The following SLC35F4 variants were observed in gnomAD, a reference collection of about 807,000 sequenced individuals.
SLC35F4 encodes solute carrier family 35 member F4, also known as chromosome 14 open reading frame 36.
A neutral mutation model predicts 44.2 loss-of-function variants in SLC35F4; 24 were observed. The observed-to-expected ratio is 0.54, with a 90% CI of 0.39 to 0.76. The LOEUF is 0.76. SLC35F4 is among the 30% of genes least tolerant of loss of function. The pLI is 0.00. For missense variants in SLC35F4, 562 were observed against 586.1 expected, an observed-to-expected ratio of 0.96 and a Z score of 0.42; for synonymous variants, 238 against 223.6, an observed-to-expected ratio of 1.06 and a Z score of -0.57.
intron 1 of SLC35F4, among the ~76,000 whole-genome samples, chr14:57,915,922 C>G (rs1279929281): frequency 6.6e-6 from 1 of 152,196 alleles, no homozygotes; most frequent in Non-Finnish European, 1.5e-5. Flanking sequence ...TTAGCCTCTA[C>G]CCATCCCCAA....
In SLC35F4 at chr14:57,774,411, G is replaced by T. The variant is rs553040562; in HGVS notation, c.103+91312C>A. ...AGAGCTTCTTAGAGAAGTGGTAGGG[G>T]CAGAACTCCAACTGGTGCAGAGTCC... On this transcript the variant is annotated intron_variant, in intron 1 of 7. Coordinates refer to ENST00000556826, the MANE Select transcript of SLC35F4 (RefSeq NM_001306087.2). Among the ~76,000 whole-genome samples the T allele has an allele frequency of 4.6e-5, 7 of 152,284 alleles. No homozygotes were observed. The South Asian group carries it at 1.5e-3, about 32-fold the overall frequency.
chr14:57,772,790 T>A, intron 1 of SLC35F4, among the ~76,000 whole-genome samples: 1 of 152,230 alleles, frequency 6.6e-6, no homozygotes, highest in East Asian at 1.9e-4. Flanking sequence ...ATGACTTTCA[T>A]ATTGTGAATA....
At chr14:57,896,146 G>GA (rs1171018080) in intron 1 of SLC35F4, among the ~76,000 whole-genome samples, 2 of 152,096 alleles carry the variant, frequency 1.3e-5, no homozygotes, top group Non-Finnish European at 2.9e-5. Flanking sequence ...ATGAAGTGGA[G>GA]AAAAAATTGG....
intron 4 of SLC35F4, 42 bp from the exon 5 acceptor site, chr14:57,572,061 T>G (rs1031582573): frequency 6.3e-7 from 1 of 1,586,572 alleles, no homozygotes; most frequent in Non-Finnish European, 8.6e-7. Flanking sequence ...CAATGATCCC[T>G]CTGTATCCTA....
At chr14:57,620,399 G>C (rs987019774) in intron 1 of SLC35F4, among the ~76,000 whole-genome samples, 8 of 152,172 alleles carry the variant, frequency 5.3e-5, no homozygotes, top group Non-Finnish European at 1.0e-4. Context: ...TATTCTTAAA[G>C]AGAAGAATTT....
chr14:57,977,371 G>A lies in SLC35F4; in HGVS notation n.152-414C>T, dbSNP rs1881248908. On this transcript the variant is annotated intron_variant and non_coding_transcript_variant, in intron 1 of 1. Transcript: ENST00000554648. ...GACATCCGCAGAAGCTAAGGATGGT[G>A]TATCGAGTCTGACAAGACCCAATAG... 1.3e-5 allele frequency among the ~76,000 whole-genome samples: 2 copies of A among 152,176 alleles called. 1 individual carries two copies. Among genetic ancestry groups the A allele is most frequent in the Admixed American group, 1.3e-4 (2 of 15,268 alleles).
chr14:57,798,837 C>G (rs1271203981), intron 1 of SLC35F4, among the ~76,000 whole-genome samples: 1 of 152,154 alleles, frequency 6.6e-6, no homozygotes, highest in African/African-American at 2.4e-5. Flanking sequence ...TTAGGTTTAG[C>G]AGCTTAGTTC....
At chr14:57,786,227 A>T (rs2077754405) in intron 1 of SLC35F4, among the ~76,000 whole-genome samples, 1 of 152,094 alleles carries the variant, frequency 6.6e-6, no homozygotes, top group Non-Finnish European at 1.5e-5. Context: ...GTGACTTAGG[A>T]ACCTCACTCC....
intron 1 of SLC35F4, among the ~76,000 whole-genome samples, chr14:57,657,784 C>T (rs1305884868): frequency 2.0e-5 from 3 of 152,086 alleles, no homozygotes; most frequent in Non-Finnish European, 4.4e-5. Flanking sequence ...TTTGAGGTTC[C>T]TAAGCATTCT....
At chr14:57,912,209 C>A (rs1361006632) in intron 1 of SLC35F4, among the ~76,000 whole-genome samples, 1 of 151,856 alleles carries the variant, frequency 6.6e-6, no homozygotes, top group African/African-American at 2.4e-5. Context: ...AAAGAACCAG[C>A]TTTGGGTTAA....
At chr14:57,677,609 G>T (rs1465082523) in intron 1 of SLC35F4, among the ~76,000 whole-genome samples, 1 of 151,938 alleles carries the variant, frequency 6.6e-6, no homozygotes, top group Non-Finnish European at 1.5e-5. Context: ...AGACATAGAT[G>T]AACATGAAAA....
intron 4 of SLC35F4, 168 bp downstream of exon 4, chr14:57,581,046 T>C: frequency 1.9e-6 from 1 of 538,866 alleles, no homozygotes; most frequent in Middle Eastern, 4.9e-4. Flanking sequence ...CCTTCTATGA[T>C]GTTGCAACTG....
intron 1 of SLC35F4, among the ~76,000 whole-genome samples, chr14:57,638,840 A>T (rs1594666914): frequency 6.6e-6 from 1 of 152,066 alleles, no homozygotes; most frequent in East Asian, 1.9e-4. Flanking sequence ...TACATAGTTT[A>T]GGTCAGAGGT....
chr14:57,762,299 C>G (rs1229640493), intron 1 of SLC35F4, among the ~76,000 whole-genome samples: 1 of 152,126 alleles, frequency 6.6e-6, no homozygotes, highest in Non-Finnish European at 1.5e-5. Flanking sequence ...CTATATCTAT[C>G]ATTCTGGAAC....
At chr14:57,981,017 G>T (rs1356523463) in intron 1 of SLC35F4, among the ~76,000 whole-genome samples, 2 of 152,084 alleles carry the variant, frequency 1.3e-5, no homozygotes, top group African/African-American at 4.8e-5. Flanking sequence ...AAGGCTGTAT[G>T]CATCAATGGA....
intron 1 of SLC35F4, among the ~76,000 whole-genome samples, chr14:57,922,683 C>T (rs760199272): frequency 9.2e-5 from 14 of 152,208 alleles, no homozygotes; most frequent in Non-Finnish European, 1.9e-4. Context: ...CTATATTAAG[C>T]ACCTTAATCA....
At chr14:57,657,992 C>T (rs981759697) in intron 1 of SLC35F4, among the ~76,000 whole-genome samples, 2 of 152,072 alleles carry the variant, frequency 1.3e-5, no homozygotes, top group African/African-American at 4.8e-5. Context: ...GAGAATCAAA[C>T]GAGAATGTGC....
At chr14:57,759,724 A>G (rs2077078943) in intron 1 of SLC35F4, among the ~76,000 whole-genome samples, 1 of 152,116 alleles carries the variant, frequency 6.6e-6, no homozygotes, top group Non-Finnish European at 1.5e-5. Flanking sequence ...GTGCTACCCT[A>G]ATAGGTATAA....
At chr14:57,842,679 C>G (rs1255023014) in intron 1 of SLC35F4, among the ~76,000 whole-genome samples, 1 of 152,162 alleles carries the variant, frequency 6.6e-6, no homozygotes, top group Non-Finnish European at 1.5e-5. Context: ...CAGCCGGCTA[C>G]TACCAGCTCA....
Sources: gnomAD v4.1 joint callset for allele counts (sites outside exome capture counted in the v4.1 genomes callset) on GRCh38, gnomAD v4.1.1 for gene constraint, MANE v1.5 for transcripts, NCBI Gene and HGNC (gene_info 2026-07-23, HGNC 2026-07-21) for gene names.